PCDHA8: variants seen among roughly 807,000 people sequenced by gnomAD.
PCDHA8 encodes protocadherin alpha 8.
Under a neutral mutation model 61.8 loss-of-function variants are expected in PCDHA8, and 53 were observed. That is an observed-to-expected ratio of 0.86 (90% CI 0.69 to 1.08). PCDHA8 has a LOEUF of 1.08. Among genes scored for constraint, PCDHA8 ranks in the 50% least tolerant of loss-of-function variants. The probability of loss-of-function intolerance (pLI) is 0.00; values close to 1 mark genes in which losing one functional copy is unlikely to be tolerated. For synonymous variants in PCDHA8, 618 were observed against 556.6 expected (o/e 1.11, Z -1.55); for missense variants, 1,293 against 1,245.0 (o/e 1.04, Z -0.58).
chr5:140,941,578 G>A (rs1007298745), intron 1 of PCDHA8, among the ~76,000 whole-genome samples: 3 of 151,774 alleles, frequency 2.0e-5, no homozygotes, highest in Non-Finnish European at 4.4e-5. Context: ...GCCTCCCAAA[G>A]TGCTGGGATT....
At chr5:141,002,595 C>T (rs2098087240) in intron 3 of PCDHA8, among the ~76,000 whole-genome samples, 2 of 152,192 alleles carry the variant, frequency 1.3e-5, no homozygotes, top group Admixed American at 1.3e-4. Context: ...TTAGTCCCCT[C>T]ATCTATAAAA....
At chr5:140,969,766 C>A (rs1384743731) in intron 1 of PCDHA8, among the ~76,000 whole-genome samples, 2 of 152,130 alleles carry the variant, frequency 1.3e-5, no homozygotes, top group Non-Finnish European at 1.5e-5. Context: ...AGCTCTGAGG[C>A]CTCTAGGGGC....
chr5:141,006,504 C>T (rs911793343), intron 3 of PCDHA8, among the ~76,000 whole-genome samples: 4 of 152,022 alleles, frequency 2.6e-5, no homozygotes, highest in East Asian at 1.9e-4. Flanking sequence ...TGAGCCACCG[C>T]GCCTGGCTGT....
At chr5:140,896,226 T>C (rs1554186874) in intron 1 of PCDHA8, among the ~76,000 whole-genome samples, 1 of 152,242 alleles carries the variant, frequency 6.6e-6, no homozygotes, top group Non-Finnish European at 1.5e-5. Flanking sequence ...GTCTTTATAG[T>C]AGAATGACTT....
chr5:140,899,101 G>T (rs1554188394), intron 1 of PCDHA8, among the ~76,000 whole-genome samples: 5 of 152,096 alleles, frequency 3.3e-5, no homozygotes, highest in Non-Finnish European at 7.4e-5. Context: ...CTGAGATAAT[G>T]GGGTTTTCTA....
At chr5:140,893,892 C>A (rs1554185839) in intron 1 of PCDHA8, among the ~76,000 whole-genome samples, 1 of 152,184 alleles carries the variant, frequency 6.6e-6, no homozygotes, top group Non-Finnish European at 1.5e-5. Flanking sequence ...CAGAAAGTTA[C>A]TTTACCTTCT....
intron 1 of PCDHA8, among the ~76,000 whole-genome samples, chr5:140,941,202 C>CTTTCTTTCTTTCTTTCTTTCTTT (rs1554213921): frequency 9.0e-5 from 11 of 122,780 alleles, no homozygotes; most frequent in East Asian, 8.9e-4. Flanking sequence ...TTTCTTTCTT[C>CTTTCTTTCTTTCTTTCTTTCTTT]CTTTCTTTCT....
intron 1 of PCDHA8, chr5:140,857,678 C>G (rs1554150504): frequency 1.3e-6 from 2 of 1,597,010 alleles, no homozygotes; most frequent in African/African-American, 1.3e-5. Flanking sequence ...CGTGCCGCCT[C>G]TGGGCAGCAA....
intron 1 of PCDHA8, chr5:140,853,806 A>T: frequency 4.1e-6 from 4 of 986,824 alleles, no homozygotes; most frequent in Non-Finnish European, 4.9e-6. Context: ...TTTAAAGCAC[A>T]CCTGAGATGA....
chr5:140,929,143 T>C (rs2085863317), intron 1 of PCDHA8: 1 of 1,614,234 alleles, frequency 6.2e-7, no homozygotes, highest in Non-Finnish European at 8.5e-7. Context: ...TGAGAGACTT[T>C]CTCAGACTTA....
chr5:140,876,642 A>G (rs908095775), intron 1 of PCDHA8: 10 of 1,614,024 alleles, frequency 6.2e-6, no homozygotes, highest in African/African-American at 1.3e-5. Context: ...GCTCACTGAC[A>G]CCTCATGTTC....
rs781841380 is a variant in PCDHA8 at position 140,857,728 on chromosome 5, C to A, written c.2394+14013C>A. 89 of 1,597,306 alleles carry A rather than the reference C, an allele frequency of 5.6e-5. 11 individuals are homozygous for A. Among genetic ancestry groups the A allele is most frequent in the Non-Finnish European group, 7.3e-5 (85 of 1,167,718 alleles). On this transcript the variant is annotated intron_variant, in intron 1 of 3. Transcript: ENST00000531613. ...TGTTCGTGCTGGACGAGAACGACAA[C>A]GCTCCCGCGCTGCTGGCGTCTCCCG...
At chr5:140,889,763 T>C (rs2062377523) in intron 1 of PCDHA8, among the ~76,000 whole-genome samples, 1 of 152,192 alleles carries the variant, frequency 6.6e-6, no homozygotes, top group African/African-American at 2.4e-5. Context: ...TCCTTGAACT[T>C]TGACTGGTCT....
At chr5:140,858,080 T>C in intron 1 of PCDHA8, 1 of 1,597,738 alleles carries the variant, frequency 6.3e-7, no homozygotes, top group Non-Finnish European at 8.6e-7. Flanking sequence ...ACCCAAGGCC[T>C]CGTCGCGGGC....
intron 1 of PCDHA8, 81 bp from the exon 2 acceptor site, chr5:140,978,868 G>A: frequency 6.2e-7 from 1 of 1,606,078 alleles, no homozygotes; most frequent in Non-Finnish European, 8.5e-7. Context: ...ATATTTAAGG[G>A]AGTAACTAAT....
At chr5:140,856,940 A>G (rs2044280502) in intron 1 of PCDHA8, 1 of 1,593,596 alleles carries the variant, frequency 6.3e-7, no homozygotes, top group African/African-American at 1.3e-5. Context: ...AAACGAAAGG[A>G]CGGGAGAAAT....
At chr5:140,878,545 A>G (rs1554170455) in intron 1 of PCDHA8, among the ~76,000 whole-genome samples, 1 of 152,228 alleles carries the variant, frequency 6.6e-6, no homozygotes, top group African/African-American at 2.4e-5. Context: ...AACCAGTTTC[A>G]GATGATCCCA....
At position 140,929,210 on chromosome 5, in the gene PCDHA8, G is replaced by A. The variant is rs782078369; in HGVS notation, c.2395-49739G>A. The A allele has an allele frequency of 1.9e-6, 3 of 1,613,952 alleles. No individual in the cohort carries two copies. The South Asian group carries it at 3.3e-5, about 18-fold the overall frequency. The stretch of plus-strand genomic sequence containing the variant: ...GATAATAACAGTTTGCTGTTGCGTG[G>A]GGAGTACAATGCTGCCGACCTGCGA... On this transcript the variant is annotated intron_variant, in intron 1 of 3. Transcript: ENST00000531613.
chr5:140,870,325 C>T (rs1554164071), intron 1 of PCDHA8: 1 of 1,614,080 alleles, frequency 6.2e-7, no homozygotes, highest in African/African-American at 1.3e-5. Context: ...CTCGTTGGTG[C>T]TGGACAGCGC....
Sources: gnomAD v4.1 joint callset for allele counts (sites outside exome capture counted in the v4.1 genomes callset) on GRCh38, gnomAD v4.1.1 for gene constraint, MANE v1.5 for transcripts, NCBI Gene and HGNC (gene_info 2026-07-23, HGNC 2026-07-21) for gene names.